The following IFT70B variants were observed in gnomAD, a reference collection of about 807,000 sequenced individuals.
The protein encoded by IFT70B is intraflagellar transport protein 70B.
chr2:177,552,147 G>A, the IFT70B span: 11 of 1,614,256 alleles, frequency 6.8e-6, no homozygotes, highest in Non-Finnish European at 1.7e-6. Context: ...CTTCAGTGCT[G>A]AAGCATACTG....
chr2:177,549,195 G>A, the IFT70B span: 1 of 152,204 alleles, frequency 6.6e-6, no homozygotes, highest in Non-Finnish European at 1.5e-5. Flanking sequence ...ATGCAGTGAA[G>A]AGGTCACTAA....
the IFT70B span, chr2:177,551,097 G>A: frequency 6.2e-7 from 1 of 1,614,076 alleles, no homozygotes; most frequent in South Asian, 1.1e-5. Context: ...ATTTCCTTTG[G>A]CACAATAAAG....
the IFT70B span, chr2:177,552,104 G>A: frequency 1.2e-6 from 2 of 1,614,122 alleles, no homozygotes; most frequent in African/African-American, 1.3e-5. Flanking sequence ...CAGGGTGCTG[G>A]CGGATGCCAC....
chr2:177,552,658 C>G, the IFT70B span: 46 of 1,589,674 alleles, frequency 2.9e-5, no homozygotes, highest in African/African-American at 5.4e-5. Flanking sequence ...TGCAGTTCTC[C>G]GCCCAGCAGC....
At chr2:177,551,968 T>G in the IFT70B span, 1 of 1,614,186 alleles carries the variant, frequency 6.2e-7, no homozygotes, top group Non-Finnish European at 8.5e-7. Flanking sequence ...GCCTCATAGT[T>G]TCTCAGTTGG....
At chr2:177,551,897 G>A in the IFT70B span, 4 of 1,614,190 alleles carry the variant, frequency 2.5e-6, no homozygotes, top group South Asian at 3.3e-5. Flanking sequence ...GGTTGTGTAG[G>A]GTCACAGGGT....
chr2:177,552,756 C>G, the IFT70B span: 4 of 1,553,648 alleles, frequency 2.6e-6, no homozygotes, highest in Non-Finnish European at 3.5e-6. Flanking sequence ...GCCGCTCAGG[C>G]CAGCCATAAC....
the IFT70B span, chr2:177,552,326 C>T: frequency 4.3e-6 from 7 of 1,614,248 alleles, no homozygotes; most frequent in South Asian, 4.4e-5. Context: ...CCCCACTTTC[C>T]TCTCCCCCTT....
the IFT70B span, chr2:177,549,789 C>A: frequency 2.6e-5 from 4 of 152,268 alleles, no homozygotes; most frequent in Admixed American, 6.5e-5. Context: ...TTTGGTCAGA[C>A]CTGGTGGCTG....
the IFT70B span, chr2:177,549,367 A>G: frequency 6.6e-6 from 1 of 152,238 alleles, no homozygotes; most frequent in African/African-American, 2.4e-5. Flanking sequence ...GTCATGCTAC[A>G]GAGGAATTAT....
chr2:177,551,124 T>G, the IFT70B span: 2 of 1,614,156 alleles, frequency 1.2e-6, no homozygotes, highest in Non-Finnish European at 1.7e-6. Flanking sequence ...TATCACCAAA[T>G]TCACAATGCA....
At chr2:177,552,676 C>T in the IFT70B span, 7 of 1,594,740 alleles carry the variant, frequency 4.4e-6, no homozygotes, top group Non-Finnish European at 6.0e-6. Flanking sequence ...AGCTGCACCG[C>T]CTCGGCGTAG....
At chr2:177,552,708 T>C in the IFT70B span, 3 of 1,595,896 alleles carry the variant, frequency 1.9e-6, no homozygotes, top group African/African-American at 2.7e-5. Flanking sequence ...GATGAGGCGG[T>C]ACACGACCGC....
At chr2:177,552,696 C>T in the IFT70B span, 5 of 1,598,262 alleles carry the variant, frequency 3.1e-6, no homozygotes, top group South Asian at 1.1e-5. Context: ...GCGTGCATTG[C>T]GGATGAGGCG....
chr2:177,550,844 A>C, the IFT70B span: 1 of 1,614,114 alleles, frequency 6.2e-7, no homozygotes. Context: ...TCTTTCCAAC[A>C]TGCATTCTTT....
the IFT70B span, chr2:177,551,802 T>G: frequency 1.2e-6 from 2 of 1,614,238 alleles, no homozygotes; most frequent in East Asian, 4.5e-5. Flanking sequence ...GCCAAAAGTC[T>G]CTGGAGGAAA....
chr2:177,552,748 C>G, the IFT70B span: 3 of 1,572,456 alleles, frequency 1.9e-6, no homozygotes, highest in South Asian at 1.2e-5. Context: ...ATCTGCGCGC[C>G]GCTCAGGCCA....
At chr2:177,552,303 G>C in the IFT70B span, 2 of 1,614,090 alleles carry the variant, frequency 1.2e-6, no homozygotes, top group African/African-American at 2.7e-5. Context: ...CTGGCCATCG[G>C]TCTCATTCTC....
the IFT70B span, chr2:177,549,982 C>T: frequency 6.6e-6 from 1 of 152,154 alleles, no homozygotes; most frequent in Admixed American, 6.5e-5. Context: ...GGATACTAGC[C>T]TGGGCAACAA....
Sources: allele counts gnomAD v4.1 joint callset, GRCh38; gene constraint gnomAD v4.1.1; transcripts MANE v1.5; gene names NCBI Gene and HGNC (gene_info 2026-07-23, HGNC 2026-07-21).